The following CAMKMT variants were observed in gnomAD, a reference collection of about 807,000 sequenced individuals.
CAMKMT encodes the protein CaM KMT.
CAMKMT carries 53 observed loss-of-function variants against 48.0 expected under a neutral mutation model. That is an observed-to-expected ratio of 1.10 (90% CI 0.89 to 1.39). The LOEUF is 1.39. CAMKMT is among the 40% of genes most tolerant of loss of function. The pLI, the probability that CAMKMT is intolerant of heterozygous loss-of-function variation, is 0.00. For missense variants in CAMKMT, 428 were observed against 402.7 expected (o/e 1.06, Z -0.54); for synonymous variants, 165 against 152.3 (o/e 1.08, Z -0.61).
chr2:44,667,346 C>T (rs1269107799), intron 3 of CAMKMT, among the ~76,000 whole-genome samples: 1 of 152,196 alleles, frequency 6.6e-6, no homozygotes, highest in Admixed American at 6.5e-5. Flanking sequence ...CCTGAGGACC[C>T]TGCTTCCCTT....
chr2:44,543,151 G>A (rs1474787813), intron 3 of CAMKMT, among the ~76,000 whole-genome samples: 4 of 152,036 alleles, frequency 2.6e-5, no homozygotes, highest in Non-Finnish European at 5.9e-5. Flanking sequence ...AAGCAACTGG[G>A]GCACACTTTC....
At chr2:44,597,269 G>A (rs763978633) in intron 3 of CAMKMT, among the ~76,000 whole-genome samples, 5 of 152,158 alleles carry the variant, frequency 3.3e-5, no homozygotes, top group Non-Finnish European at 5.9e-5. Context: ...ACTAAGTTCC[G>A]TCCTTGGCAG....
chr2:44,473,012 C>A (rs1668503734), intron 3 of CAMKMT, among the ~76,000 whole-genome samples: 1 of 152,142 alleles, frequency 6.6e-6, no homozygotes, highest in Admixed American at 6.5e-5. Flanking sequence ...AAGCAGCTGT[C>A]TTCCATTACA....
chr2:44,371,795 A>AC (rs1425231034), intron 1 of CAMKMT, among the ~76,000 whole-genome samples: 2 of 152,102 alleles, frequency 1.3e-5, no homozygotes, highest in Non-Finnish European at 2.9e-5. Context: ...TACCACATCA[A>AC]CCCAGAATAA....
chr2:44,748,736 G>T (rs185208544), intron 8 of CAMKMT, among the ~76,000 whole-genome samples: 1 of 152,004 alleles, frequency 6.6e-6, no homozygotes, highest in African/African-American at 2.4e-5. Context: ...AATTAGATGG[G>T]CATGGTGGTG....
intron 3 of CAMKMT, among the ~76,000 whole-genome samples, chr2:44,584,148 C>T (rs1669720853): frequency 6.6e-6 from 1 of 152,186 alleles, no homozygotes; most frequent in African/African-American, 2.4e-5. Flanking sequence ...TTTTGCTCAG[C>T]CTGATGTTTC....
intron 3 of CAMKMT, among the ~76,000 whole-genome samples, chr2:44,613,801 A>G (rs1572920033): frequency 6.6e-6 from 1 of 152,176 alleles, no homozygotes; most frequent in African/African-American, 2.4e-5. Context: ...CTCCTTAAAG[A>G]GTATTGGAGG....
At chr2:44,578,855 T>C (rs1389824802) in intron 3 of CAMKMT, among the ~76,000 whole-genome samples, 2 of 152,226 alleles carry the variant, frequency 1.3e-5, no homozygotes, top group African/African-American at 2.4e-5. Flanking sequence ...AATAGTAGTA[T>C]TGTGACTACA....
At chr2:44,454,537 C>T (rs1313800693) in intron 3 of CAMKMT, among the ~76,000 whole-genome samples, 1 of 152,098 alleles carries the variant, frequency 6.6e-6, no homozygotes, top group African/African-American at 2.4e-5. Flanking sequence ...TCCAGGGCAC[C>T]TCCTCTGGGT....
At chr2:44,550,614 CT>C (rs1282572639) in intron 3 of CAMKMT, 1 of 152,132 alleles carries the variant, frequency 6.6e-6, no homozygotes, top group African/African-American at 2.4e-5. Flanking sequence ...CTCCGTCTAT[CT>C]TTTTTCTATT....
intron 3 of CAMKMT, among the ~76,000 whole-genome samples, chr2:44,589,061 C>T (rs1436849329): frequency 1.5e-4 from 4 of 26,664 alleles, no homozygotes; most frequent in Non-Finnish European, 1.6e-4. Context: ...TGAGGGGCGC[C>T]TCTGCCCGGC....
intron 3 of CAMKMT, among the ~76,000 whole-genome samples, chr2:44,451,004 G>A (rs553979911): frequency 1.3e-5 from 2 of 152,148 alleles, no homozygotes; most frequent in South Asian, 4.1e-4. Flanking sequence ...AAGCAGTACT[G>A]GACATTCTTT....
intron 2 of CAMKMT, among the ~76,000 whole-genome samples, chr2:44,376,763 T>C (rs1679737790): frequency 6.6e-6 from 1 of 152,210 alleles, no homozygotes; most frequent in Non-Finnish European, 1.5e-5. Context: ...TTATTTTCTG[T>C]CAGCCTTACA....
At chr2:44,621,497 A>G (rs991364791) in intron 3 of CAMKMT, among the ~76,000 whole-genome samples, 7 of 152,184 alleles carry the variant, frequency 4.6e-5, no homozygotes, top group Non-Finnish European at 1.0e-4. Context: ...GATCTAAAGG[A>G]TGAGAATAGA....
At chr2:44,651,314 T>G (rs557125809) in intron 3 of CAMKMT, among the ~76,000 whole-genome samples, 1 of 152,332 alleles carries the variant, frequency 6.6e-6, no homozygotes, top group East Asian at 1.9e-4. Flanking sequence ...TACGCATCCT[T>G]TTTTTGGAAT....
At chr2:44,743,585 C>T (rs1206897446) in intron 7 of CAMKMT, 37 bp from the exon 8 acceptor site, 2 of 1,457,060 alleles carry the variant, frequency 1.4e-6, no homozygotes, top group Non-Finnish European at 1.9e-6. Context: ...TTAAAAAAAA[C>T]CCTATGTATA....
chr2:44,633,325 A>T (rs62132320), intron 3 of CAMKMT, among the ~76,000 whole-genome samples: 1 of 152,152 alleles, frequency 6.6e-6, no homozygotes, highest in South Asian at 2.1e-4. Flanking sequence ...TATGATTTTC[A>T]TCAAGTTTTG....
intron 3 of CAMKMT, among the ~76,000 whole-genome samples, chr2:44,477,295 G>T (rs1286335080): frequency 6.6e-6 from 1 of 152,088 alleles, no homozygotes; most frequent in East Asian, 1.9e-4. Flanking sequence ...CCAGGATTGG[G>T]GTGTACAGGT....
intron 3 of CAMKMT, among the ~76,000 whole-genome samples, chr2:44,520,201 A>T (rs1296252370): frequency 6.6e-6 from 1 of 152,120 alleles, no homozygotes; most frequent in Non-Finnish European, 1.5e-5. Flanking sequence ...CCTGGGCGAC[A>T]GAGCGAGACT....
Sources: allele counts gnomAD v4.1 joint callset (sites outside exome capture counted in the v4.1 genomes callset), GRCh38; gene constraint gnomAD v4.1.1; transcripts MANE v1.5; gene names NCBI Gene and HGNC (gene_info 2026-07-23, HGNC 2026-07-21).